Variants in PKHD1 observed in about 807,000 individuals in gnomAD.
The protein encoded by PKHD1 is PKHD1 ciliary IPT domain containing fibrocystin/polyductin.
A neutral mutation model predicts 412.0 loss-of-function variants in PKHD1; 291 were observed. The observed-to-expected ratio is 0.71, with a 90% CI of 0.64 to 0.78. The LOEUF is 0.78. Among genes scored for constraint, PKHD1 ranks in the 30% least tolerant of loss-of-function variants. PKHD1 has a pLI of 0.00. For missense variants in PKHD1, 4,825 were observed against 4,950.7 expected, an observed-to-expected ratio of 0.97 and a Z score of 0.76; for synonymous variants, 1,777 against 1,821.5, an observed-to-expected ratio of 0.98 and a Z score of 0.62.
chr6:51,706,792 G>A (rs1434921973), intron 60 of PKHD1, among the ~76,000 whole-genome samples: 1 of 152,120 alleles, frequency 6.6e-6, no homozygotes, highest in Non-Finnish European at 1.5e-5. Flanking sequence ...AGCCGACGAA[G>A]TACCATTAGC....
At chr6:51,783,622 C>T (rs528958221) in intron 53 of PKHD1, among the ~76,000 whole-genome samples, 5 of 151,820 alleles carry the variant, frequency 3.3e-5, no homozygotes, top group Admixed American at 6.6e-5. Context: ...AACAATGTCT[C>T]ATATAAGAGG....
At chr6:51,831,019 T>G (rs1768156081) in intron 51 of PKHD1, 30 bp from the exon 52 acceptor site, 1 of 1,579,600 alleles carries the variant, frequency 6.3e-7, no homozygotes, top group Non-Finnish European at 8.7e-7. Flanking sequence ...TTTGAAAATC[T>G]AATCCATTGT....
chr6:52,035,496 A>C, intron 28 of PKHD1, 95 bp downstream of exon 28: 1 of 1,148,300 alleles, frequency 8.7e-7, no homozygotes, highest in Non-Finnish European at 1.3e-6. Context: ...AGTTTACATC[A>C]GTTCATTTAG....
At chr6:51,906,020 A>G (rs1448008276) in intron 41 of PKHD1, among the ~76,000 whole-genome samples, 195 bp downstream of exon 41, 1 of 152,198 alleles carries the variant, frequency 6.6e-6, no homozygotes, top group Non-Finnish European at 1.5e-5. Context: ...AAAGATCAGT[A>G]TCCTATAGGT....
At chr6:51,811,718 C>T (rs1764712653) in intron 52 of PKHD1, among the ~76,000 whole-genome samples, 1 of 151,798 alleles carries the variant, frequency 6.6e-6, no homozygotes, top group South Asian at 2.1e-4. Flanking sequence ...ATCCAAAACG[C>T]TAAGGATAGA....
chr6:51,993,248 G>A (rs1797256611), intron 35 of PKHD1, among the ~76,000 whole-genome samples: 1 of 152,210 alleles, frequency 6.6e-6, no homozygotes, highest in South Asian at 2.1e-4. Flanking sequence ...CTGCTGGGTT[G>A]GTGATTCTTC....
At position 51,617,037 on chromosome 6, in the gene PKHD1, G is replaced by A. The variant is rs1420253241; in HGVS notation, c.*2044C>T. 4.7e-6 allele frequency: 1 copy of A among 211,606 alleles called. No individual in the cohort carries two copies. Among genetic ancestry groups the A allele is most frequent in the Non-Finnish European group, 9.3e-6 (1 of 107,366 alleles). The allele number at this position is 211,606 out of a possible 1,614,324, so 13.1% of individuals were successfully genotyped here. On this transcript the variant is annotated 3_prime_UTR_variant, in exon 67 of 67. Coordinates refer to ENST00000371117, the MANE Select transcript of PKHD1 (RefSeq NM_138694.4). ...ATAACCTACTGGATATTCTCACTAG[G>A]CAGCTAAATGCATGGTATAGAGCTC... is the stretch of plus-strand genomic sequence containing the variant.
In PKHD1 at chr6:51,693,527, T is replaced by C. The variant is rs549279228; in HGVS notation, c.10157-33558A>G. On this transcript the variant is annotated intron_variant, in intron 60 of 66. Transcript: ENST00000371117. ...CATTACAATAAACCTAAATAGTCCA[T>C]GTTATTTTTATCTCTATCAAGATGT... Among the ~76,000 whole-genome samples the C allele has an allele frequency of 1.4e-3, 216 of 152,336 alleles. 1 individual carries two copies. Among genetic ancestry groups the C allele is most frequent in the Middle Eastern group, 0.01 (3 of 294 alleles).
rs189674582 is a variant in PKHD1, at chr6:51,630,777, T to C, written c.11665+1788A>G. ...TAATAAATATAAAATACAGAAGGTA[T>C]AAGGAAGAAAATACAAATCACTTAT... On this transcript the variant is annotated intron_variant, in intron 65 of 66. Coordinates refer to ENST00000371117, the MANE Select transcript of PKHD1 (RefSeq NM_138694.4). Among the ~76,000 whole-genome samples, 69 of 152,276 alleles carry C rather than the reference T, an allele frequency of 4.5e-4. 1 individual carries two copies. The highest frequency in any genetic ancestry group is 1.5e-3 in the African/African-American group (61 of 41,566).
At position 51,909,324 on chromosome 6, in the gene PKHD1, T is replaced by C. The variant is rs778124617; in HGVS notation, c.6641A>G (p.His2214Arg). The C allele has an allele frequency of 4.6e-5, 74 of 1,613,422 alleles. 1 individual carries two copies. In the South Asian group the frequency reaches 7.8e-4, roughly 17 times the overall value. Residue 2214 changes from histidine to arginine, a missense_variant, in exon 40 of 67, where the codon CAT becomes CGT. Coordinates refer to ENST00000371117, the MANE Select transcript of PKHD1 (RefSeq NM_138694.4). ...VQFQVLGQAF[H>R]KHLSSLTLVG... ...CAGAGTGAGTGAGCTCAGATGCTTA[T>C]GGAAGGCTTGCCCCAAGACTTGAAA... is the stretch of plus-strand genomic sequence containing the variant.
chr6:51,981,355 C>G (rs1348510216), intron 35 of PKHD1, among the ~76,000 whole-genome samples: 7 of 98,644 alleles, frequency 7.1e-5, no homozygotes, highest in Middle Eastern at 3.8e-3. Flanking sequence ...CCCTCTCCCT[C>G]TCCCTCTCCC....
chr6:52,001,683 G>A (rs933966609), intron 35 of PKHD1, among the ~76,000 whole-genome samples: 33 of 151,854 alleles, frequency 2.2e-4, no homozygotes, highest in African/African-American at 6.0e-4. Flanking sequence ...TGCCCACGTC[G>A]GCCTCCCAAA....
intron 35 of PKHD1, among the ~76,000 whole-genome samples, chr6:51,994,401 C>T (rs1220587090): frequency 6.6e-6 from 1 of 152,228 alleles, no homozygotes; most frequent in Non-Finnish European, 1.5e-5. Flanking sequence ...TCCCAGAGTC[C>T]TGGGGTTACA....
At chr6:51,739,163 A>G (rs1784244513) in intron 60 of PKHD1, among the ~76,000 whole-genome samples, 1 of 148,680 alleles carries the variant, frequency 6.7e-6, no homozygotes, top group African/African-American at 2.5e-5. Flanking sequence ...TATAAAATAT[A>G]CTCATGTTAT....
At position 51,761,353 on chromosome 6, in the gene PKHD1, C is replaced by G. The variant is rs1750962; in HGVS notation, c.8643-6415G>C. On this transcript the variant is annotated intron_variant, in intron 55 of 66. Transcript: ENST00000371117. The stretch of plus-strand genomic sequence containing the variant: ...AGAAGACAAATACCACATGATCTCA[C>G]TTGCATGCAGAATCAAAAAGAGTGG... 1.7e-3 allele frequency among the ~76,000 whole-genome samples: 261 copies of G among 152,150 alleles called. 2 individuals are homozygous for G. The highest frequency in any genetic ancestry group is 5.9e-3 in the African/African-American group (246 of 41,546).
chr6:52,048,761 T>A, intron 22 of PKHD1, 142 bp from the exon 23 acceptor site: 1 of 831,786 alleles, frequency 1.2e-6, no homozygotes, highest in South Asian at 1.4e-5. Context: ...AGTAAGGGAG[T>A]TTTCAGGACC....
intron 37 of PKHD1, among the ~76,000 whole-genome samples, chr6:51,924,255 A>C (rs1785175791): frequency 6.6e-6 from 1 of 152,204 alleles, no homozygotes; most frequent in Non-Finnish European, 1.5e-5. Context: ...TTTACTTAAC[A>C]AAGTTGAGTT....
chr6:52,085,255 C>T (rs1298471816), intron 1 of PKHD1, among the ~76,000 whole-genome samples: 1 of 134,740 alleles, frequency 7.4e-6, no homozygotes, highest in East Asian at 2.3e-4. Context: ...AAATAATAAC[C>T]TCTTTCATTA....
chr6:51,627,592 T>C (rs1767420553), intron 65 of PKHD1, among the ~76,000 whole-genome samples: 1 of 152,052 alleles, frequency 6.6e-6, no homozygotes, highest in African/African-American at 2.4e-5. Flanking sequence ...TACTAATACT[T>C]TTTTTAACCT....
Sources: gnomAD v4.1 joint callset for allele counts (sites outside exome capture counted in the v4.1 genomes callset) on GRCh38, gnomAD v4.1.1 for gene constraint, MANE v1.5 for transcripts, NCBI Gene and HGNC (gene_info 2026-07-23, HGNC 2026-07-21) for gene names.